Variants in SLC4A4 observed in about 807,000 individuals in gnomAD.
The protein encoded by SLC4A4 is solute carrier family 4 member 4.
A neutral mutation model predicts 111.5 loss-of-function variants in SLC4A4; 27 were observed. That is an observed-to-expected ratio of 0.24 (90% CI 0.18 to 0.33). The LOEUF (loss-of-function observed/expected upper bound fraction) is 0.33, where lower values mean the gene tolerates loss of function less well. SLC4A4 is among the 10% of genes least tolerant of loss of function. The pLI, the probability that SLC4A4 is intolerant of heterozygous loss-of-function variation, is 1.00. For missense variants in SLC4A4, 909 were observed against 1,315.5 expected (o/e 0.69, Z 4.78); for synonymous variants, 443 against 463.4 (o/e 0.96, Z 0.57).
At chr4:71,376,131 A>G (rs1194649819) in intron 6 of SLC4A4, among the ~76,000 whole-genome samples, 1 of 144,412 alleles carries the variant, frequency 6.9e-6, no homozygotes, top group Non-Finnish European at 1.5e-5. Flanking sequence ...ATATATATAT[A>G]CATACACATA....
chr4:71,502,923 G>A (rs1421308066), intron 16 of SLC4A4, among the ~76,000 whole-genome samples: 2 of 152,074 alleles, frequency 1.3e-5, no homozygotes, highest in African/African-American at 4.8e-5. Flanking sequence ...GTTGAAAATG[G>A]GGTATTGAAA....
intron 1 of SLC4A4, among the ~76,000 whole-genome samples, chr4:71,229,020 C>T (rs1432723350): frequency 6.6e-6 from 1 of 152,106 alleles, no homozygotes; most frequent in Non-Finnish European, 1.5e-5. Context: ...CTGAATAGAG[C>T]CAACCACAGG....
intron 2 of SLC4A4, among the ~76,000 whole-genome samples, chr4:71,116,277 A>C (rs1743246235): frequency 6.6e-6 from 1 of 152,188 alleles, no homozygotes; most frequent in Non-Finnish European, 1.5e-5. Flanking sequence ...GGAAAGCAAA[A>C]TGTACTTCGT....
At chr4:71,160,365 G>T (rs1231498530) in intron 2 of SLC4A4, among the ~76,000 whole-genome samples, 1 of 151,038 alleles carries the variant, frequency 6.6e-6, no homozygotes, top group African/African-American at 2.4e-5. Flanking sequence ...AAGAACACAA[G>T]GACAGCCATT....
chr4:71,492,184 AC>A (rs1404232670), intron 15 of SLC4A4, among the ~76,000 whole-genome samples: 21 of 151,698 alleles, frequency 1.4e-4, no homozygotes, highest in Non-Finnish European at 2.4e-4. Flanking sequence ...TAAAAGTATT[AC>A]GTAAAATTTT....
At chr4:71,115,087 C>CA (rs1226259910) in intron 2 of SLC4A4, among the ~76,000 whole-genome samples, 2 of 147,528 alleles carry the variant, frequency 1.4e-5, no homozygotes, top group Non-Finnish European at 3.0e-5. Flanking sequence ...ATCGCAAGAA[C>CA]AAAAAACCAA....
intron 3 of SLC4A4, among the ~76,000 whole-genome samples, chr4:71,267,833 C>T (rs946785712): frequency 9.7e-5 from 12 of 124,274 alleles, no homozygotes; most frequent in East Asian, 5.7e-4. Flanking sequence ...ACGAAACGTA[C>T]CAATTTCAGA....
chr4:71,224,081 T>C (rs979468332), intron 1 of SLC4A4, among the ~76,000 whole-genome samples: 6 of 152,122 alleles, frequency 3.9e-5, no homozygotes, highest in South Asian at 2.1e-4. Context: ...CACAATCCTG[T>C]TCCTCCCAGA....
intron 3 of SLC4A4, among the ~76,000 whole-genome samples, chr4:71,331,184 G>A (rs1182966847): frequency 6.6e-6 from 1 of 152,086 alleles, no homozygotes; most frequent in Non-Finnish European, 1.5e-5. Flanking sequence ...GATTCCTCAG[G>A]GATCTAGAAC....
chr4:71,213,581 A>G (rs1718257938), intron 1 of SLC4A4, among the ~76,000 whole-genome samples: 1 of 152,168 alleles, frequency 6.6e-6, no homozygotes, highest in Non-Finnish European at 1.5e-5. Context: ...TGATAGAGTA[A>G]AAGATGAAAA....
intron 2 of SLC4A4, among the ~76,000 whole-genome samples, chr4:71,170,384 A>G (rs916578717): frequency 6.6e-6 from 1 of 152,204 alleles, no homozygotes; most frequent in Non-Finnish European, 1.5e-5. Flanking sequence ...AAACAAGAGG[A>G]AAATTACATG....
chr4:71,206,473 A>G (rs1476763880), intron 1 of SLC4A4, among the ~76,000 whole-genome samples: 2 of 152,204 alleles, frequency 1.3e-5, no homozygotes, highest in East Asian at 1.9e-4. Context: ...TCAGAATTTT[A>G]TAAGTGCTTA....
intron 7 of SLC4A4, among the ~76,000 whole-genome samples, chr4:71,401,988 G>A (rs1720406384): frequency 6.6e-6 from 1 of 152,142 alleles, no homozygotes; most frequent in African/African-American, 2.4e-5. Flanking sequence ...CTATTCCATA[G>A]GTCTTGTGGT....
At chr4:71,428,477 A>G (rs1723346977) in intron 7 of SLC4A4, among the ~76,000 whole-genome samples, 1 of 152,082 alleles carries the variant, frequency 6.6e-6, no homozygotes, top group African/African-American at 2.4e-5. Flanking sequence ...ACTGGTAGGT[A>G]TGGTGATCTT....
At chr4:71,142,764 T>C (rs1744040289) in intron 2 of SLC4A4, among the ~76,000 whole-genome samples, 3 of 131,954 alleles carry the variant, frequency 2.3e-5, no homozygotes, top group African/African-American at 8.2e-5. Context: ...TCTCACTCTT[T>C]TTTTTTTTTT....
At chr4:71,145,392 A>T (rs866145281) in intron 2 of SLC4A4, among the ~76,000 whole-genome samples, 6 of 152,184 alleles carry the variant, frequency 3.9e-5, no homozygotes, top group South Asian at 2.1e-4. Context: ...TATCAAGGAT[A>T]TTGGTCTAAA....
chr4:71,478,286 G>C (rs567781821), intron 14 of SLC4A4, among the ~76,000 whole-genome samples: 1 of 151,360 alleles, frequency 6.6e-6, no homozygotes, highest in Non-Finnish European at 1.5e-5. Context: ...ATTATAAATC[G>C]TTCTGTAAGG....
At chr4:71,192,243 T>C (rs1745764471) in intron 1 of SLC4A4, among the ~76,000 whole-genome samples, 1 of 152,186 alleles carries the variant, frequency 6.6e-6, no homozygotes, top group South Asian at 2.1e-4. Context: ...ACTGATAAGA[T>C]CTAGTAACAA....
chr4:71,157,182 A>C (rs1744500646), intron 2 of SLC4A4, among the ~76,000 whole-genome samples: 1 of 152,186 alleles, frequency 6.6e-6, no homozygotes, highest in Admixed American at 6.6e-5. Context: ...TTCTTGAGGC[A>C]AAGTTGAGTG....
Sources: gnomAD v4.1 joint callset for allele counts (sites outside exome capture counted in the v4.1 genomes callset) on GRCh38, gnomAD v4.1.1 for gene constraint, MANE v1.5 for transcripts, NCBI Gene and HGNC (gene_info 2026-07-23, HGNC 2026-07-21) for gene names.